The following ASIC2 variants were observed in gnomAD, a reference collection of about 807,000 sequenced individuals.
ASIC2 encodes the protein acid-sensing ion channel 2.
ASIC2 carries 25 observed loss-of-function variants against 57.3 expected under a neutral mutation model. That is an observed-to-expected ratio of 0.44 (90% CI 0.32 to 0.61). The LOEUF is 0.61. Ranked by LOEUF, ASIC2 falls within the 20% of genes least tolerant of loss-of-function variation. The pLI is 0.06. For synonymous variants in ASIC2, 319 were observed against 307.5 expected (o/e 1.04, Z -0.39); for missense variants, 641 against 738.1 (o/e 0.87, Z 1.52).
chr17:34,153,037 G>A lies in ASIC2; in HGVS notation c.555+2941C>T, dbSNP rs77996451. Among the ~76,000 whole-genome samples, 13 of 152,282 alleles carry A rather than the reference G, an allele frequency of 8.5e-5. No homozygotes were observed. The East Asian group carries it at 2.5e-3, about 29-fold the overall frequency. On this transcript the variant is annotated intron_variant, in intron 1 of 9. Coordinates refer to the ASIC2 transcript ENST00000359872. ...CATTGTAGTCAGCATCCCACACCTGGCTTCCCTGGGACTTTTACCCTCCGC... is the reference window on the plus strand; with the variant it reads ...CATTGTAGTCAGCATCCCACACCTGACTTCCCTGGGACTTTTACCCTCCGC...
chr17:33,428,411 G>T (rs1597725027), intron 1 of ASIC2, among the ~76,000 whole-genome samples: 1 of 152,186 alleles, frequency 6.6e-6, no homozygotes, highest in Admixed American at 6.5e-5. Flanking sequence ...ACAAAGCAGG[G>T]ATTAGGTATA....
At chr17:34,056,159 T>G (rs1224481315) in intron 1 of ASIC2, among the ~76,000 whole-genome samples, 2 of 152,178 alleles carry the variant, frequency 1.3e-5, no homozygotes, top group Admixed American at 6.5e-5. Context: ...GGGTGCCTAT[T>G]AGGATCTTTT....
intron 1 of ASIC2, among the ~76,000 whole-genome samples, chr17:33,996,676 G>C (rs1442794593): frequency 6.6e-6 from 1 of 152,038 alleles, no homozygotes; most frequent in Non-Finnish European, 1.5e-5. Flanking sequence ...AAAATGCAGA[G>C]GTTTATTTTG....
rs1010128275 is a variant in ASIC2, at chr17:33,645,314, A to G, written c.555+510664T>C. 1.8e-4 allele frequency among the ~76,000 whole-genome samples: 27 copies of G among 152,160 alleles called. 1 individual carries two copies. The highest frequency in any genetic ancestry group is 6.3e-4 in the African/African-American group (26 of 41,436). On this transcript the variant is annotated intron_variant, in intron 1 of 9. Transcript: ENST00000359872. The stretch of plus-strand genomic sequence containing the variant: ...ACAAGAAAAAATGTTGGAAGTAGCA[A>G]TGGGTACTCCTTTCCCCATTCCTTC...
intron 1 of ASIC2, among the ~76,000 whole-genome samples, chr17:33,629,454 T>C (rs965912987): frequency 6.6e-6 from 1 of 152,172 alleles, no homozygotes; most frequent in Non-Finnish European, 1.5e-5. Flanking sequence ...CTACTCAGTT[T>C]TTATAAAGTA....
intron 1 of ASIC2, among the ~76,000 whole-genome samples, chr17:33,838,124 GTCT>G (rs1913327492): frequency 6.6e-6 from 1 of 152,114 alleles, no homozygotes; most frequent in Non-Finnish European, 1.5e-5. Context: ...TTATGTATTT[GTCT>G]TCTTCTCCCA....
intron 1 of ASIC2, among the ~76,000 whole-genome samples, chr17:33,114,091 C>T (rs1328995280): frequency 6.6e-6 from 1 of 152,172 alleles, no homozygotes; most frequent in Non-Finnish European, 1.5e-5. Context: ...GGTAGTGAAA[C>T]ATCTATGTTT....
chr17:33,659,947 G>A (rs1907204338), intron 1 of ASIC2, among the ~76,000 whole-genome samples: 1 of 151,720 alleles, frequency 6.6e-6, no homozygotes, highest in South Asian at 2.1e-4. Flanking sequence ...AGCTGGGCGT[G>A]TTGGCGCACG....
intron 1 of ASIC2, among the ~76,000 whole-genome samples, chr17:33,686,497 A>G (rs899971300): frequency 6.6e-6 from 1 of 152,014 alleles, no homozygotes; most frequent in Non-Finnish European, 1.5e-5. Flanking sequence ...GCTGTGCTTA[A>G]TTTCTCTCTC....
chr17:34,083,060 T>C (rs1303291513), intron 1 of ASIC2, among the ~76,000 whole-genome samples: 2 of 151,984 alleles, frequency 1.3e-5, no homozygotes, highest in African/African-American at 4.8e-5. Flanking sequence ...TTAGGGTACA[T>C]GTGCACAATG....
intron 1 of ASIC2, among the ~76,000 whole-genome samples, chr17:33,478,559 C>A (rs749689995): frequency 6.6e-6 from 1 of 152,194 alleles, no homozygotes; most frequent in Non-Finnish European, 1.5e-5. Flanking sequence ...TCTGTCAATC[C>A]TTCGGGAGAA....
intron 1 of ASIC2, among the ~76,000 whole-genome samples, chr17:33,598,075 G>A (rs1326731225): frequency 1.3e-5 from 2 of 152,084 alleles, no homozygotes; most frequent in Non-Finnish European, 2.9e-5. Flanking sequence ...AAACCACAAT[G>A]ACCAACTGTG....
intron 7 of ASIC2, among the ~76,000 whole-genome samples, chr17:33,018,561 A>G (rs540401357): frequency 6.6e-5 from 10 of 152,316 alleles, no homozygotes; most frequent in African/African-American, 2.4e-4. Flanking sequence ...AGTTTTTAAC[A>G]GGGGTTCTGA....
chr17:33,726,213 G>C (rs1418216633), intron 1 of ASIC2, among the ~76,000 whole-genome samples: 1 of 152,158 alleles, frequency 6.6e-6, no homozygotes, highest in Non-Finnish European at 1.5e-5. Context: ...AACTTAGAGA[G>C]GAAGAGAAAG....
intron 1 of ASIC2, among the ~76,000 whole-genome samples, chr17:33,375,950 G>C (rs1032462219): frequency 6.6e-6 from 1 of 152,108 alleles, no homozygotes; most frequent in Non-Finnish European, 1.5e-5. Context: ...TCAAGTTATC[G>C]ACACAATGAG....
intron 1 of ASIC2, among the ~76,000 whole-genome samples, chr17:33,224,286 A>G (rs1276383014): frequency 1.3e-5 from 2 of 152,182 alleles, no homozygotes; most frequent in East Asian, 1.9e-4. Flanking sequence ...AAATACGATG[A>G]TTATTGGTAA....
upstream of ASIC2, among the ~76,000 whole-genome samples, chr17:33,298,287 C>T (rs1410947723): frequency 2.0e-5 from 3 of 152,190 alleles, no homozygotes; most frequent in Admixed American, 1.3e-4. Flanking sequence ...CACGACAAGC[C>T]CTTCCTGTGT....
chr17:33,495,113 G>A (rs1913885720), intron 1 of ASIC2, among the ~76,000 whole-genome samples: 1 of 152,214 alleles, frequency 6.6e-6, no homozygotes, highest in African/African-American at 2.4e-5. Context: ...GGTCCAGGGT[G>A]CAAAATTTAG....
intron 1 of ASIC2, among the ~76,000 whole-genome samples, chr17:33,658,711 C>T (rs1907154733): frequency 1.3e-5 from 2 of 152,158 alleles, no homozygotes; most frequent in Admixed American, 6.5e-5. Flanking sequence ...AAAGGCCCCA[C>T]CTTGGCTGGA....
Sources: gnomAD v4.1 joint callset for allele counts (sites outside exome capture counted in the v4.1 genomes callset) on GRCh38, gnomAD v4.1.1 for gene constraint, MANE v1.5 for transcripts, NCBI Gene and HGNC (gene_info 2026-07-23, HGNC 2026-07-21) for gene names.